RBM18: variants seen among roughly 807,000 people sequenced by gnomAD.
RBM18 encodes the protein RNA binding motif protein 18, also known as probable RNA-binding protein 18.
In RBM18, 18 loss-of-function variants were observed where a neutral mutation model predicts 26.4. The ratio of observed to expected loss-of-function variants is 0.68; its 90% CI spans 0.47 to 1.01. RBM18 has a LOEUF of 1.01. Among genes scored for constraint, RBM18 ranks in the 50% least tolerant of loss-of-function variants. The probability of loss-of-function intolerance (pLI) is 0.00; values close to 1 mark genes in which losing one functional copy is unlikely to be tolerated. For missense variants in RBM18, 180 were observed against 219.2 expected, an observed-to-expected ratio of 0.82 and a Z score of 1.13; for synonymous variants, 74 against 81.1, an observed-to-expected ratio of 0.91 and a Z score of 0.47.
rs762602502 is a variant in RBM18 at position 122,241,885 on chromosome 9, C to T, written c.572G>A (p.Ter191=). The T allele has an allele frequency of 1.9e-6, 3 of 1,610,882 alleles. No individual in the cohort carries two copies. Among genetic ancestry groups the T allele is most frequent in the South Asian group, 1.1e-5 (1 of 90,138 alleles). Residue 191 remains the stop codon, a stop_retained_variant, in exon 6 of 6, where the codon TGA becomes TAA. Transcript: ENST00000417201. ...YSRTAWKSRR[*] The stretch of plus-strand genomic sequence containing the variant: ...TGCTGCTACAGTAATTCACAACCAT[C>T]ATCTTCGAGATTTCCATGCTGTTCT...
chr9:122,251,868 A>T lies in RBM18; in HGVS notation c.219T>A (p.Phe73Leu). Residue 73 changes from phenylalanine (F) to leucine (L), a missense_variant, in exon 3 of 6, where the codon TTT becomes TTA. Phe to Leu is a conservative substitution (Grantham distance 22). This residue lies in a region of RBM18 where 28 missense variants were observed against 59.9 expected (regional missense o/e 0.47). Coordinates refer to ENST00000417201, the MANE Select transcript of RBM18 (RefSeq NM_033117.4). The stretch of plus-strand genomic sequence containing the variant: ...TTACCTGCTTAGTTTCAAAGTTAAC[A>T]AAACAGTAGCCTCGAGGCTGTCCCT... Reference protein sequence around the residue: ...ALEGQPRGYCFVNFETKQEAE... With the variant: ...ALEGQPRGYCLVNFETKQEAE... 1 of 1,614,116 alleles carries T rather than the reference A, an allele frequency of 6.2e-7. No homozygotes were observed.
At chr9:122,255,891 C>G (rs147761267) in intron 2 of RBM18, among the ~76,000 whole-genome samples, 441 of 152,040 alleles carry the variant, frequency 2.9e-3, no homozygotes, top group Middle Eastern at 0.02. Flanking sequence ...CCCAGCTACT[C>G]GGGAGGCTGA....
At position 122,241,933 on chromosome 9, in the gene RBM18, T is replaced by C. The variant is rs746909067; in HGVS notation, c.524A>G (p.Lys175Arg). ...PVYSYFKPPD[K>R]KRTTPYSRTA... The stretch of plus-strand genomic sequence containing the variant: ...TCTAGAATATGGAGTAGTCCTTTTT[T>C]TATCTGGTGGCTTAAAGTAGGAATA... The change falls in exon 6 of 6, where the codon AAA becomes AGA. Residue 175 changes from lysine to arginine, a missense_variant. Lys to Arg is a conservative substitution (Grantham distance 26). Coordinates refer to ENST00000417201, the MANE Select transcript of RBM18 (RefSeq NM_033117.4). The C allele has an allele frequency of 1.2e-6, 2 of 1,614,178 alleles. No homozygotes were observed. The highest frequency in any genetic ancestry group is 1.7e-5 in the Admixed American group (1 of 60,020).
chr9:122,248,064 C>T (rs1267876950), intron 3 of RBM18, among the ~76,000 whole-genome samples: 4 of 152,196 alleles, frequency 2.6e-5, no homozygotes, highest in East Asian at 3.9e-4. Flanking sequence ...GGATTACAGG[C>T]GTGAGCTACT....
chr9:122,242,891 A>C (rs1831445063), intron 5 of RBM18, among the ~76,000 whole-genome samples: 1 of 151,928 alleles, frequency 6.6e-6, no homozygotes, highest in Non-Finnish European at 1.5e-5. Context: ...CAGTGGTGTG[A>C]TTTCGGCTCA....
chr9:122,247,499 T>C lies in RBM18; in HGVS notation c.327+19A>G. On this transcript the variant is annotated intron_variant, in intron 4 of 5. Transcript: ENST00000417201. ...TGTTTAGGATGAGGCTTGATGTCTT[T>C]CTAGCCTCTCAGACGTACCTTTACT... 1 of 1,609,092 alleles carries C rather than the reference T, an allele frequency of 6.2e-7. No individual in the cohort carries two copies. The highest frequency in any genetic ancestry group is 8.5e-7 in the Non-Finnish European group (1 of 1,175,692).
At chr9:122,254,413 T>TCTCCAGGAA in intron 2 of RBM18, 2 of 400,326 alleles carry the variant, frequency 5.0e-6, no homozygotes, top group Non-Finnish European at 6.8e-6. Context: ...TTCCTGGAGA[T>TCTCCAGGAA]GGGGACTGCA....
intron 1 of RBM18, among the ~76,000 whole-genome samples, chr9:122,263,667 C>A (rs1311017403): frequency 6.6e-6 from 1 of 152,120 alleles, no homozygotes; most frequent in Non-Finnish European, 1.5e-5. Flanking sequence ...GACAGGGACT[C>A]GACGACTATA....
chr9:122,254,560 C>CA (rs1444996007), intron 2 of RBM18, among the ~76,000 whole-genome samples: 1 of 152,200 alleles, frequency 6.6e-6, no homozygotes, highest in African/African-American at 2.4e-5. Flanking sequence ...CTGCAGCCTT[C>CA]AGGAGCTGGA....
chr9:122,239,262 T>A lies in RBM18; in HGVS notation c.*2622A>T, dbSNP rs1002618074. The A allele has an allele frequency of 6.6e-6, 1 of 152,084 alleles. No individual in the cohort carries two copies. The highest frequency in any genetic ancestry group is 1.5e-5 in the Non-Finnish European group (1 of 68,016). The allele number at this position is 152,084 out of a possible 1,614,324, so 9.4% of individuals were successfully genotyped here. On this transcript the variant is annotated 3_prime_UTR_variant, in exon 6 of 6. Transcript: ENST00000417201. The stretch of plus-strand genomic sequence containing the variant: ...CGGTGTCTCACTCTGTTGCCCAGGC[T>A]GGAGTGCAGTGGCACAATCTCGGCT...
intron 2 of RBM18, among the ~76,000 whole-genome samples, chr9:122,260,038 C>T (rs1029799859): frequency 6.6e-6 from 1 of 152,140 alleles, no homozygotes; most frequent in African/African-American, 2.4e-5. Flanking sequence ...ACTTCTAGGA[C>T]TGATGATATG....
intron 5 of RBM18, among the ~76,000 whole-genome samples, chr9:122,244,910 T>C (rs1831479382): frequency 6.6e-6 from 1 of 152,200 alleles, no homozygotes; most frequent in African/African-American, 2.4e-5. Context: ...GAAAAATTAG[T>C]ATATAATGAC....
intron 5 of RBM18, among the ~76,000 whole-genome samples, chr9:122,242,526 A>C (rs1417416738): frequency 1.3e-5 from 2 of 152,244 alleles, no homozygotes. Context: ...GTTTCACCTG[A>C]ATCACTGAAT....
In RBM18 at chr9:122,239,237, C is replaced by T. The variant is rs118191756; in HGVS notation, c.*2647G>A. 4,108 of 150,548 alleles carry T rather than the reference C, an allele frequency of 0.027. 74 individuals are homozygous for T. The highest frequency in any genetic ancestry group is 0.038 in the Non-Finnish European group (2,559 of 67,618). The allele number at this position is 150,548 out of a possible 1,614,324, so 9.3% of individuals were successfully genotyped here. A position where few individuals can be genotyped will look rare whatever the true frequency, so the allele number is the denominator to read the frequency against. Reference sequence around the variant, plus strand: ...TGTTTTGTTTTTGTTTTTTTTGAGACGGTGTCTCACTCTGTTGCCCAGGCT... The same window carrying T: ...TGTTTTGTTTTTGTTTTTTTTGAGATGGTGTCTCACTCTGTTGCCCAGGCT... On this transcript the variant is annotated 3_prime_UTR_variant, in exon 6 of 6. Transcript: ENST00000417201.
chr9:122,242,862 G>A (rs1216582240), intron 5 of RBM18, among the ~76,000 whole-genome samples: 1 of 151,956 alleles, frequency 6.6e-6, no homozygotes, highest in Non-Finnish European at 1.5e-5. Context: ...GAGTCTCGCT[G>A]TGTCGTCAGG....
chr9:122,249,484 A>C (rs1302363003), intron 3 of RBM18, among the ~76,000 whole-genome samples: 1 of 152,112 alleles, frequency 6.6e-6, no homozygotes, highest in Non-Finnish European at 1.5e-5. Flanking sequence ...AGGCCGAAGC[A>C]GGCTGGTTGC....
At chr9:122,249,138 T>C (rs766152623) in intron 3 of RBM18, among the ~76,000 whole-genome samples, 4 of 152,156 alleles carry the variant, frequency 2.6e-5, no homozygotes, top group Non-Finnish European at 5.9e-5. Context: ...AATAATTTCC[T>C]ACCTGTACAA....
intron 1 of RBM18, among the ~76,000 whole-genome samples, chr9:122,262,833 C>T (rs1475194343): frequency 6.6e-6 from 1 of 152,200 alleles, no homozygotes; most frequent in Non-Finnish European, 1.5e-5. Flanking sequence ...GATCCATCCA[C>T]GTCGGCCTCT....
intron 3 of RBM18, 55 bp from the exon 4 acceptor site, chr9:122,247,659 A>G: frequency 7.4e-7 from 1 of 1,356,512 alleles, no homozygotes; most frequent in Admixed American, 1.7e-5. Context: ...AACTAGCTAT[A>G]TGTATTCTCA....
Sources: gnomAD v4.1 joint callset for allele counts (sites outside exome capture counted in the v4.1 genomes callset) on GRCh38, gnomAD v4.1.1 for gene constraint, gnomAD v4.1.1 regional missense constraint, MANE v1.5 for transcripts, NCBI Gene and HGNC (gene_info 2026-07-23, HGNC 2026-07-21) for gene names.